Variants in SPATA6 observed in about 807,000 individuals in gnomAD.
SPATA6 encodes spermatogenesis-associated protein 6.
Under a neutral mutation model 65.3 loss-of-function variants are expected in SPATA6, and 56 were observed. That is an observed-to-expected ratio of 0.86 (90% CI 0.69 to 1.07). The LOEUF is 1.07. SPATA6 is among the 50% of genes least tolerant of loss of function. SPATA6 has a pLI of 0.00. For synonymous variants in SPATA6, 199 were observed against 213.2 expected, an observed-to-expected ratio of 0.93 and a Z score of 0.58; for missense variants, 590 against 594.8, an observed-to-expected ratio of 0.99 and a Z score of 0.08.
At chr1:48,416,354 G>A (rs1362236514) in intron 3 of SPATA6, among the ~76,000 whole-genome samples, 1 of 151,164 alleles carries the variant, frequency 6.6e-6, no homozygotes, top group Non-Finnish European at 1.5e-5. Flanking sequence ...TATATATATA[G>A]ATAAAAGGAT....
At chr1:48,412,864 C>G (rs1652381007) in intron 4 of SPATA6, among the ~76,000 whole-genome samples, 1 of 152,004 alleles carries the variant, frequency 6.6e-6, no homozygotes, top group South Asian at 2.1e-4. Context: ...GGTGATCCGC[C>G]TGCCTCAGCC....
intron 9 of SPATA6, among the ~76,000 whole-genome samples, chr1:48,377,857 C>A (rs1480546392): frequency 2.4e-4 from 37 of 152,048 alleles, no homozygotes; most frequent in Admixed American, 2.4e-3. Context: ...AAGAAGCAAC[C>A]TTTACATCTA....
At chr1:48,404,216 T>C (rs368271540) in intron 5 of SPATA6, among the ~76,000 whole-genome samples, 1 of 152,280 alleles carries the variant, frequency 6.6e-6, no homozygotes, top group East Asian at 1.9e-4. Context: ...CTTAATAAAT[T>C]TCAGCTTTTT....
chr1:48,344,743 G>T (rs1400388471), intron 11 of SPATA6, among the ~76,000 whole-genome samples: 1 of 152,094 alleles, frequency 6.6e-6, no homozygotes, highest in African/African-American at 2.4e-5. Context: ...TAACAAAACA[G>T]ACTTTAAACC....
chr1:48,268,002 C>T, the SPATA6 span, among the ~76,000 whole-genome samples: 8 of 152,104 alleles, frequency 5.3e-5, no homozygotes, highest in African/African-American at 1.2e-4. Flanking sequence ...CCACCTGTCT[C>T]GGCCTTCCAA....
intron 10 of SPATA6, 71 bp downstream of exon 10, chr1:48,359,515 T>C (rs746711338): frequency 6.7e-7 from 1 of 1,490,126 alleles, no homozygotes; most frequent in African/African-American, 1.4e-5. Flanking sequence ...TTCACATGCA[T>C]AATTGCTGCT....
intron 11 of SPATA6, among the ~76,000 whole-genome samples, chr1:48,342,683 T>A (rs72893210): frequency 6.6e-6 from 1 of 151,864 alleles, no homozygotes; most frequent in Non-Finnish European, 1.5e-5. Flanking sequence ...AAATTTATAT[T>A]TTGTGAGATA....
chr1:48,462,255 T>C (rs1386009050), intron 1 of SPATA6, among the ~76,000 whole-genome samples: 1 of 151,964 alleles, frequency 6.6e-6, no homozygotes, highest in African/African-American at 2.4e-5. Context: ...AATGACGAGT[T>C]AATGGGTGCA....
At chr1:48,432,666 T>C (rs750543593) in intron 3 of SPATA6, among the ~76,000 whole-genome samples, 2 of 152,118 alleles carry the variant, frequency 1.3e-5, no homozygotes, top group Admixed American at 6.5e-5. Flanking sequence ...ATTGGAATCC[T>C]TGTGCAGTTG....
intron 10 of SPATA6, among the ~76,000 whole-genome samples, chr1:48,356,330 T>G (rs577369072): frequency 1.3e-5 from 2 of 152,098 alleles, no homozygotes; most frequent in South Asian, 4.2e-4. Flanking sequence ...CTTTCTCTTT[T>G]GTATGCCCTT....
At chr1:48,443,870 A>G (rs1655752557) in intron 3 of SPATA6, among the ~76,000 whole-genome samples, 1 of 152,168 alleles carries the variant, frequency 6.6e-6, no homozygotes, top group Non-Finnish European at 1.5e-5. Context: ...CAGGCCATCA[A>G]GCTACAGATG....
At chr1:48,366,974 CCA>C (rs1647040419) in intron 9 of SPATA6, among the ~76,000 whole-genome samples, 2 of 151,928 alleles carry the variant, frequency 1.3e-5, no homozygotes, top group African/African-American at 4.8e-5. Flanking sequence ...TGAATATGTC[CCA>C]GAGATTCTGG....
chr1:48,365,818 T>G (rs1030592429), intron 9 of SPATA6, among the ~76,000 whole-genome samples: 1 of 152,194 alleles, frequency 6.6e-6, no homozygotes, highest in African/African-American at 2.4e-5. Flanking sequence ...TGGCCAGAAC[T>G]TCCAACACTA....
chr1:48,340,241 T>TAAAAAAAAAAA (rs58721253), intron 11 of SPATA6, among the ~76,000 whole-genome samples: 4 of 53,060 alleles, frequency 7.5e-5, no homozygotes, highest in African/African-American at 6.8e-4. Context: ...AGGCCTGCAC[T>TAAAAAAAAAAA]AAAAAAAAAA....
chr1:48,441,047 A>G (rs1219882809), intron 3 of SPATA6, among the ~76,000 whole-genome samples: 1 of 152,158 alleles, frequency 6.6e-6, no homozygotes, highest in Admixed American at 6.5e-5. Context: ...ACACCGTAAA[A>G]AAGATTGTCC....
chr1:48,298,983 T>C (rs932748102), intron 12 of SPATA6, 90 bp from the exon 13 acceptor site: 3 of 1,270,888 alleles, frequency 2.4e-6, no homozygotes, highest in Non-Finnish European at 2.1e-6. Flanking sequence ...GAGTACTCTA[T>C]GGCTATTTAA....
At chr1:48,423,794 G>C (rs547182187) in intron 3 of SPATA6, among the ~76,000 whole-genome samples, 1 of 151,988 alleles carries the variant, frequency 6.6e-6, no homozygotes, top group African/African-American at 2.4e-5. Context: ...TGATCCGCCT[G>C]CCTCAGCCTT....
chr1:48,363,750 G>T (rs909407995), intron 9 of SPATA6, among the ~76,000 whole-genome samples: 10 of 147,988 alleles, frequency 6.8e-5, no homozygotes, highest in South Asian at 6.6e-4. Flanking sequence ...AGGTAAAAAA[G>T]GAAACTTCTT....
intron 11 of SPATA6, among the ~76,000 whole-genome samples, chr1:48,354,772 T>C (rs1421547130): frequency 6.6e-6 from 1 of 151,822 alleles, no homozygotes; most frequent in Non-Finnish European, 1.5e-5. Flanking sequence ...ACACTTGGAA[T>C]AGCAGTAGCT....
Sources: gnomAD v4.1 joint callset for allele counts (sites outside exome capture counted in the v4.1 genomes callset) on GRCh38, gnomAD v4.1.1 for gene constraint, MANE v1.5 for transcripts, NCBI Gene and HGNC (gene_info 2026-07-23, HGNC 2026-07-21) for gene names.